SNAPC4: variants seen among roughly 807,000 people sequenced by gnomAD.
SNAPC4 encodes small nuclear RNA activating complex polypeptide 4.
Under a neutral mutation model 151.3 loss-of-function variants are expected in SNAPC4, and 127 were observed. The observed-to-expected ratio is 0.84, with a 90% confidence interval of 0.73 to 0.97. The LOEUF (loss-of-function observed/expected upper bound fraction) is 0.97, where lower values mean the gene tolerates loss of function less well. Ranked by LOEUF, SNAPC4 falls within the 50% of genes least tolerant of loss-of-function variation. The pLI is 0.00. For missense variants in SNAPC4, 2,186 were observed against 1,935.0 expected (o/e 1.13, Z -2.43); for synonymous variants, 1,002 against 824.4 (o/e 1.22, Z -3.69).
chr9:136,390,135 G>A (rs187011583), intron 10 of SNAPC4, among the ~76,000 whole-genome samples: 1 of 152,308 alleles, frequency 6.6e-6, no homozygotes, highest in African/African-American at 2.4e-5. Flanking sequence ...ACCAGACCCA[G>A]GAGGACACCA....
At chr9:136,390,694 C>T (rs1298544270) in intron 10 of SNAPC4, among the ~76,000 whole-genome samples, 1 of 151,570 alleles carries the variant, frequency 6.6e-6, no homozygotes, top group Non-Finnish European at 1.5e-5. Context: ...AACTGCACAT[C>T]CTGCACACAC....
intron 20 of SNAPC4, 109 bp from the exon 21 acceptor site, chr9:136,379,973 C>T: frequency 1.4e-6 from 2 of 1,430,628 alleles, no homozygotes; most frequent in East Asian, 2.4e-5. Context: ...TGGGACGAGG[C>T]CCCAAGGGCT....
At position 136,378,318 on chromosome 9, in the gene SNAPC4, C is replaced by T; in HGVS notation, c.3509G>A (p.Ser1170Asn). ...LSQSPAEADG[S>N]VAFVPGEAQV... ...GGCCTCTCCAGGGACAAAGGCCACA[C>T]TGCCATCCGCTTCTGCAGGACTTTG... Residue 1170 changes from serine to asparagine, a missense_variant, in exon 22 of 24, where the codon AGT (serine) becomes AAT (asparagine). Coordinates refer to ENST00000684778, the MANE Select transcript of SNAPC4 (RefSeq NM_003086.4). 1.2e-6 allele frequency: 2 copies of T among 1,604,182 alleles called. No homozygotes were observed. Among genetic ancestry groups the T allele is most frequent in the Non-Finnish European group, 1.7e-6 (2 of 1,176,020 alleles).
At chr9:136,377,009 C>T (rs10781506) in intron 22 of SNAPC4, among the ~76,000 whole-genome samples, 34,890 of 152,142 alleles carry the variant, frequency 0.23, 4,205 homozygotes, top group Admixed American at 0.28. Flanking sequence ...GGGAGGAGGC[C>T]TCTCTGGGGG....
Position 136,377,599 on chromosome 9 carries a change from C to G in SNAPC4, c.4228G>C (p.Glu1410Gln), listed in dbSNP as rs774099698. The change falls in exon 22 of 24, where the codon GAA (glutamate) becomes CAA (glutamine). Residue 1410 changes from glutamate to glutamine, a missense_variant. Physicochemically the swap from Glu to Gln is conservative, Grantham distance 29. Transcript: ENST00000684778. ...SEDEDLLSELELADRDGQPGC... is the reference protein window; with the variant it reads ...SEDEDLLSELQLADRDGQPGC... The stretch of plus-strand genomic sequence containing the variant: ...GGCTGCCCGTCCCTGTCTGCAAGTT[C>G]CAGCTCACTCAGGAGGTCTTCATCC... 8 of 1,537,878 alleles carry G rather than the reference C, an allele frequency of 5.2e-6. No homozygotes were observed. In the Admixed American group the frequency reaches 1.4e-4, roughly 27 times the overall value.
intron 1 of SNAPC4, 142 bp downstream of exon 1, chr9:136,399,992 C>G (rs1471017928): frequency 2.6e-5 from 4 of 152,190 alleles, no homozygotes; most frequent in Non-Finnish European, 5.9e-5. Flanking sequence ...CACGCCGGGC[C>G]TCAGTTTCCC....
chr9:136,391,826 T>C lies in SNAPC4; in HGVS notation c.975+116A>G, dbSNP rs538632547. Reference sequence around the variant, plus strand: ...GCCACAGCCTGGAGGTGGCAACACATAGAAACCTGGCGGTGAGTGAGCACT... The same window carrying C: ...GCCACAGCCTGGAGGTGGCAACACACAGAAACCTGGCGGTGAGTGAGCACT... On this transcript the variant is annotated intron_variant, in intron 10 of 23. Coordinates refer to ENST00000684778, the MANE Select transcript of SNAPC4 (RefSeq NM_003086.4). The C allele has an allele frequency of 6.1e-5, 71 of 1,160,746 alleles. 2 individuals carry two copies. In the South Asian group the frequency reaches 7.9e-4, roughly 13 times the overall value. 71.9% of individuals were successfully genotyped at this position (1,160,746 alleles called of 1,614,324 possible). A position where few individuals can be genotyped will look rare whatever the true frequency, so the allele number is the denominator to read the frequency against.
In SNAPC4 at chr9:136,384,483, C is replaced by T. The variant is rs182075235; in HGVS notation, c.1420+237G>A. Among the ~76,000 whole-genome samples, 47 of 152,272 alleles carry T rather than the reference C, an allele frequency of 3.1e-4. No individual in the cohort carries two copies. The East Asian group carries it at 8.1e-3, about 26-fold the overall frequency. On this transcript the variant is annotated intron_variant, in intron 14 of 23. Transcript: ENST00000684778. ...ACATTGCAAATATAAGCAAAGACTT[C>T]GCTACAGAACACTCAGCTCGTCGGG...
Position 136,383,763 on chromosome 9 carries a change from G to C in SNAPC4, c.1501-95C>G, listed in dbSNP as rs972783805. 4.7e-6 allele frequency: 7 copies of C among 1,495,906 alleles called. No homozygotes were observed. The highest frequency in any genetic ancestry group is 6.3e-6 in the Non-Finnish European group (7 of 1,102,700). 92.7% of individuals were successfully genotyped at this position (1,495,906 alleles called of 1,614,324 possible). ...CAGCCCTTTGGGGAGAGGCCCAAGC[G>C]GGGGCGCCTCCGGGGTCAAGAGCAG... is the stretch of plus-strand genomic sequence containing the variant. On this transcript the variant is annotated intron_variant, in intron 15 of 23. Coordinates refer to ENST00000684778, the MANE Select transcript of SNAPC4 (RefSeq NM_003086.4). The surrounding 1 kb of genome is among the most constrained non-coding windows in gnomAD (Gnocchi z 4.2).
rs781453292 is a variant in SNAPC4 at position 136,377,682 on chromosome 9, G to A, written c.4145C>T (p.Ala1382Val). ...FTLPALLATL[A>V]PQGVRTTLSV... is the part of the protein sequence containing the mutation. ...GAGGGTGGTGCGGACGCCTTGGGGG[G>A]CCAGGGTGGCCAGGAGCGCAGGGAG... Residue 1382 changes from alanine to valine, a missense_variant, in exon 22 of 24, where the codon GCC becomes GTC. Physicochemically the swap from Ala to Val is moderately conservative, Grantham distance 64. Coordinates refer to ENST00000684778, the MANE Select transcript of SNAPC4 (RefSeq NM_003086.4). 9.3e-6 allele frequency: 15 copies of A among 1,607,690 alleles called. No individual in the cohort carries two copies. The highest frequency in any genetic ancestry group is 1.7e-4 in the Middle Eastern group (1 of 6,054).
intron 22 of SNAPC4, among the ~76,000 whole-genome samples, chr9:136,377,209 C>T (rs945807563): frequency 1.3e-5 from 2 of 152,222 alleles, no homozygotes; most frequent in African/African-American, 4.8e-5. Flanking sequence ...GTGTGTGTGG[C>T]GTGTGCGGCT....
intron 1 of SNAPC4, 148 bp from the exon 2 acceptor site, chr9:136,398,585 A>C: frequency 1.1e-6 from 1 of 871,340 alleles, no homozygotes; most frequent in Admixed American, 2.4e-5. Context: ...TAGGCCAGGC[A>C]CAGAATCGGG....
chr9:136,381,211 G>A (rs2131464819), intron 19 of SNAPC4, 111 bp downstream of exon 19: 1 of 869,782 alleles, frequency 1.1e-6, no homozygotes, highest in Non-Finnish European at 1.9e-6. Flanking sequence ...TTCAAGGCTA[G>A]AAAACTTTAG....
intron 21 of SNAPC4, 38 bp downstream of exon 21, chr9:136,379,799 T>C (rs1397700296): frequency 5.0e-6 from 8 of 1,604,698 alleles, no homozygotes; most frequent in Non-Finnish European, 6.0e-6. Context: ...AGGGCCAGGT[T>C]AGGTCTCTTC....
At chr9:136,379,797 G>A (rs757972898) in intron 21 of SNAPC4, 40 bp downstream of exon 21, 2 of 1,604,622 alleles carry the variant, frequency 1.2e-6, no homozygotes, top group Admixed American at 1.7e-5. Context: ...CCAGGGCCAG[G>A]TTAGGTCTCT....
chr9:136,378,757 C>A lies in SNAPC4; in HGVS notation c.3070G>T (p.Gly1024Ter). 1 of 1,531,938 alleles carries A rather than the reference C, an allele frequency of 6.5e-7. No homozygotes were observed. The highest frequency in any genetic ancestry group is 8.8e-7 in the Non-Finnish European group (1 of 1,138,822). The allele number at this position is 1,531,938 out of a possible 1,614,324, so 94.9% of individuals were successfully genotyped here. A position where few individuals can be genotyped will look rare whatever the true frequency, so the allele number is the denominator to read the frequency against. Residue 1024 changes from glycine to a stop codon, truncating the protein, a stop_gained, in exon 22 of 24, where the codon GGA (glycine) becomes TGA (stop). Coordinates refer to ENST00000684778, the MANE Select transcript of SNAPC4 (RefSeq NM_003086.4). LOFTEE classifies it high-confidence loss of function. ...ISVSCPESGL[G>*]QSQAPAASRK... ...GATGCAGCGGGGGCCTGAGACTGTC[C>A]GAGACCACTCTCGGGGCAGCTCACA...
In SNAPC4 at chr9:136,378,511, CG is replaced by C; in HGVS notation, c.3315del (p.Ala1106GlnfsTer11). The stretch of plus-strand genomic sequence containing the variant: ...GGCAGCAGAGTGGCCAGCAGCCCTG[CG>C]GGGCCAGGGGTCCCTGCTGGCCTGG... ...SLPRPAGTPG[P>X]AGLLATLLPP... is the part of the protein sequence containing the mutation. On this transcript the variant is annotated frameshift_variant, in exon 22 of 24. Transcript: ENST00000684778. LOFTEE classifies it high-confidence loss of function. 2 of 1,590,856 alleles carry C rather than the reference CG, an allele frequency of 1.3e-6. No homozygotes were observed. The highest frequency in any genetic ancestry group is 1.1e-5 in the South Asian group (1 of 89,504).
At chr9:136,380,593 C>T in intron 20 of SNAPC4, 147 bp downstream of exon 20, 1 of 601,348 alleles carries the variant, frequency 1.7e-6, no homozygotes, top group Non-Finnish European at 3.0e-6. Flanking sequence ...CCTCTCAAGG[C>T]TGCGTCCCCT....
Position 136,383,099 on chromosome 9 carries a change from C to A in SNAPC4, c.1983+87G>T, listed in dbSNP as rs1588747147. 2 of 1,472,208 alleles carry A rather than the reference C, an allele frequency of 1.4e-6. No individual in the cohort carries two copies. The highest frequency in any genetic ancestry group is 2.4e-5 in the East Asian group (1 of 41,880). 91.2% of individuals were successfully genotyped at this position (1,472,208 alleles called of 1,614,324 possible). A position where few individuals can be genotyped will look rare whatever the true frequency, so the allele number is the denominator to read the frequency against. Reference sequence around the variant, plus strand: ...CTGATGCACACGAACCCTGGGGCCCCTGCTGCTGCACTATCCCCAAGCGTC... The same window carrying A: ...CTGATGCACACGAACCCTGGGGCCCATGCTGCTGCACTATCCCCAAGCGTC... On this transcript the variant is annotated intron_variant, in intron 16 of 23. Coordinates refer to ENST00000684778, the MANE Select transcript of SNAPC4 (RefSeq NM_003086.4). The surrounding 1 kb of genome is among the most constrained non-coding windows in gnomAD (Gnocchi z 4.2).
Sources: allele counts gnomAD v4.1 joint callset (sites outside exome capture counted in the v4.1 genomes callset), GRCh38; gene constraint gnomAD v4.1.1; non-coding constraint Gnocchi (gnomAD v3.1); transcripts MANE v1.5; gene names NCBI Gene and HGNC (gene_info 2026-07-23, HGNC 2026-07-21).